Variants in RGS7 observed in about 807,000 individuals in gnomAD.
RGS7 encodes regulator of G-protein signaling 7.
A neutral mutation model predicts 81.1 loss-of-function variants in RGS7; 27 were observed. That is an observed-to-expected ratio of 0.33 (90% CI 0.25 to 0.46). RGS7 has a LOEUF of 0.46. Ranked by LOEUF, RGS7 falls within the 20% of genes least tolerant of loss-of-function variation. The pLI, the probability that RGS7 is intolerant of heterozygous loss-of-function variation, is 1.00. For synonymous variants in RGS7, 208 were observed against 207.7 expected, an observed-to-expected ratio of 1.00 and a Z score of -0.01; for missense variants, 396 against 607.4, an observed-to-expected ratio of 0.65 and a Z score of 3.66.
chr1:241,316,731 A>G (rs1411394440), intron 2 of RGS7, among the ~76,000 whole-genome samples: 1 of 151,914 alleles, frequency 6.6e-6, no homozygotes, highest in Non-Finnish European at 1.5e-5. Context: ...TTTTTTTGTT[A>G]TATCTTTATC....
At position 241,149,117 on chromosome 1, in the gene RGS7, T is replaced by C. The variant is rs150686967; in HGVS notation, c.79-50355A>G. ...GCTATATACACAGCAAACAACCAAG[T>C]GGAAAGCAGAAAATACAGCCAATGA... On this transcript the variant is annotated intron_variant, in intron 2 of 18. Transcript: ENST00000440928. 7.0e-3 allele frequency among the ~76,000 whole-genome samples: 1,065 copies of C among 152,212 alleles called. 12 individuals carry two copies. Among genetic ancestry groups the C allele is most frequent in the Non-Finnish European group, 0.011 (782 of 68,004 alleles).
intron 4 of RGS7, among the ~76,000 whole-genome samples, chr1:240,957,357 G>C (rs1168984516): frequency 6.6e-6 from 1 of 152,196 alleles, no homozygotes; most frequent in Non-Finnish European, 1.5e-5. Context: ...TGCACTGTCA[G>C]CTTCCCTCCT....
chr1:241,249,945 G>T (rs545369460), intron 2 of RGS7, among the ~76,000 whole-genome samples: 3 of 121,822 alleles, frequency 2.5e-5, no homozygotes, highest in African/African-American at 5.2e-5. Context: ...TTTTAAAAAA[G>T]GAATATATAT....
chr1:240,900,760 C>T (rs977623434), intron 6 of RGS7, among the ~76,000 whole-genome samples: 13 of 152,274 alleles, frequency 8.5e-5, no homozygotes, highest in Admixed American at 6.5e-5. Flanking sequence ...CTTGAGGAGG[C>T]GGTCTGTCCA....
rs1392460419 is a variant in RGS7, at chr1:241,144,163, T to C, written c.79-45401A>G. On this transcript the variant is annotated intron_variant, in intron 2 of 18. Coordinates refer to ENST00000440928, the MANE Select transcript of RGS7 (RefSeq NM_001364886.1). This position sits in a 1 kb window ranked among gnomAD's most constrained non-coding sequence, Gnocchi z 4.7. ...TTTGTTCTTCATATATATATATATATGAGCATTTTCAAACAGAGTACTTCT... is the reference window on the plus strand; with the variant it reads ...TTTGTTCTTCATATATATATATATACGAGCATTTTCAAACAGAGTACTTCT... 6.6e-6 allele frequency among the ~76,000 whole-genome samples: 1 copy of C among 152,130 alleles called. No homozygotes were observed. The highest frequency in any genetic ancestry group is 6.5e-5 in the Admixed American group (1 of 15,278).
At chr1:241,277,356 A>T (rs573042074) in intron 2 of RGS7, among the ~76,000 whole-genome samples, 130 of 152,294 alleles carry the variant, frequency 8.5e-4, no homozygotes, top group Non-Finnish European at 1.6e-3. Flanking sequence ...GTGGTGGCTC[A>T]CGCCTGTAAT....
chr1:240,921,761 A>G (rs1047173943), intron 6 of RGS7, among the ~76,000 whole-genome samples: 23 of 152,134 alleles, frequency 1.5e-4, no homozygotes, highest in Admixed American at 5.9e-4. Flanking sequence ...AAAGATCAAA[A>G]TCAATGGAAA....
At chr1:241,136,823 C>A (rs569838134) in intron 2 of RGS7, among the ~76,000 whole-genome samples, 10 of 152,256 alleles carry the variant, frequency 6.6e-5, no homozygotes, top group African/African-American at 2.2e-4. Flanking sequence ...AATGCTTTGG[C>A]GTCCAGGCTA....
At chr1:241,039,938 A>G (rs750512872) in intron 3 of RGS7, among the ~76,000 whole-genome samples, 7 of 152,212 alleles carry the variant, frequency 4.6e-5, no homozygotes, top group Non-Finnish European at 4.4e-5. Context: ...TTGCTGTTAG[A>G]GTTGATGGGA....
At chr1:241,094,525 T>C (rs1333478185) in intron 3 of RGS7, among the ~76,000 whole-genome samples, 1 of 152,092 alleles carries the variant, frequency 6.6e-6, no homozygotes, top group Non-Finnish European at 1.5e-5. Context: ...TTCAAGGAAA[T>C]GGCATAGAGG....
intron 2 of RGS7, among the ~76,000 whole-genome samples, chr1:241,265,234 A>C (rs143920377): frequency 9.6e-4 from 146 of 152,298 alleles, no homozygotes; most frequent in African/African-American, 3.5e-3. Context: ...ACTGCTGTCA[A>C]TGTTATCTGT....
intron 2 of RGS7, among the ~76,000 whole-genome samples, chr1:241,298,925 A>G (rs1392219184): frequency 6.6e-6 from 1 of 152,202 alleles, no homozygotes; most frequent in Non-Finnish European, 1.5e-5. Context: ...GAGAAAAAAA[A>G]TACAAAAACA....
chr1:240,901,243 A>G (rs141026467), intron 6 of RGS7, among the ~76,000 whole-genome samples: 3 of 152,132 alleles, frequency 2.0e-5, no homozygotes, highest in African/African-American at 7.2e-5. Context: ...TGTGCTTCCC[A>G]GGTGAGGCGA....
intron 9 of RGS7, among the ~76,000 whole-genome samples, chr1:240,854,519 G>A (rs58922255): frequency 0.012 from 1,890 of 152,264 alleles, 45 homozygotes; most frequent in African/African-American, 0.044. Context: ...TAGGGGAGAA[G>A]ATCCAAGTAA....
At chr1:241,060,623 T>A (rs2061692613) in intron 3 of RGS7, among the ~76,000 whole-genome samples, 1 of 152,132 alleles carries the variant, frequency 6.6e-6, no homozygotes, top group Non-Finnish European at 1.5e-5. Flanking sequence ...TAACTCCACA[T>A]AGTATACTCT....
chr1:241,097,676 C>T (rs556422895), intron 3 of RGS7, among the ~76,000 whole-genome samples: 2 of 152,242 alleles, frequency 1.3e-5, no homozygotes, highest in East Asian at 3.9e-4. Context: ...CTTTCCTAAG[C>T]TGTGCCAGGC....
At chr1:240,797,938 T>C (rs1023137636) in intron 18 of RGS7, among the ~76,000 whole-genome samples, 2 of 152,204 alleles carry the variant, frequency 1.3e-5, no homozygotes, top group African/African-American at 4.8e-5. Flanking sequence ...ATGTGAGTTA[T>C]TTTTCTCCTA....
intron 18 of RGS7, among the ~76,000 whole-genome samples, chr1:240,797,148 C>G (rs1687204106): frequency 6.6e-6 from 1 of 152,134 alleles, no homozygotes; most frequent in Non-Finnish European, 1.5e-5. Flanking sequence ...CAGTGAAGAA[C>G]TGTAGCTACT....
chr1:240,818,437 T>C (rs1468528133), intron 10 of RGS7, among the ~76,000 whole-genome samples: 3 of 152,092 alleles, frequency 2.0e-5, no homozygotes, highest in Non-Finnish European at 2.9e-5. Context: ...ATAACAAGCA[T>C]AGGGCCTGGA....
Sources: allele counts gnomAD v4.1 joint callset (sites outside exome capture counted in the v4.1 genomes callset), GRCh38; gene constraint gnomAD v4.1.1; non-coding constraint Gnocchi (gnomAD v3.1); transcripts MANE v1.5; gene names NCBI Gene and HGNC (gene_info 2026-07-23, HGNC 2026-07-21).